TENM3: variants seen among roughly 807,000 people sequenced by gnomAD.
TENM3 encodes teneurin transmembrane protein 3.
In TENM3, 63 loss-of-function variants were observed where a neutral mutation model predicts 255.1. The ratio of observed to expected loss-of-function variants is 0.25; its 90% CI spans 0.20 to 0.30. The LOEUF is 0.30. Among genes scored for constraint, TENM3 ranks in the 10% least tolerant of loss-of-function variants. The probability of loss-of-function intolerance (pLI) is 1.00; values close to 1 mark genes in which losing one functional copy is unlikely to be tolerated. For synonymous variants in TENM3, 1,306 were observed against 1,322.3 expected (o/e 0.99, Z 0.27); for missense variants, 2,929 against 3,461.1 (o/e 0.85, Z 3.86).
rs562866467 is a variant in TENM3, at chr4:182,680,336, G to A, written c.1626G>A (p.Pro542=). ...ATTGTTTTCCAGGATTTCTGGGTCC[G>A]GATTGTTCAAGAGGTATGCAAGTTA... ...TCHCFPGFLG[P]DCSRAACPVL... is the part of the protein sequence containing the mutation. Residue 542 remains proline (P), a synonymous_variant, in exon 9 of 28, where the codon CCG becomes CCA. Coordinates refer to ENST00000511685, the MANE Select transcript of TENM3 (RefSeq NM_001080477.4). The A allele has an allele frequency of 2.7e-5, 43 of 1,609,444 alleles. 1 individual carries two copies. The highest frequency in any genetic ancestry group is 1.2e-4 in the African/African-American group (9 of 74,842).
chr4:181,931,698 C>T, the TENM3 span, among the ~76,000 whole-genome samples: 4 of 152,178 alleles, frequency 2.6e-5, no homozygotes, highest in East Asian at 3.9e-4. Flanking sequence ...AAAAAGAGTC[C>T]GTATAGCCAA....
chr4:182,239,559 A>G (rs964838725), upstream of TENM3, among the ~76,000 whole-genome samples: 4 of 152,232 alleles, frequency 2.6e-5, no homozygotes, highest in African/African-American at 9.6e-5. Context: ...TGACATTGTC[A>G]TACAAATAAG....
At chr4:181,805,075 G>A in the TENM3 span, among the ~76,000 whole-genome samples, 1 of 152,178 alleles carries the variant, frequency 6.6e-6, no homozygotes, top group Non-Finnish European at 1.5e-5. Flanking sequence ...ACCTGCAGCA[G>A]CCTCCTAAGA....
At chr4:182,108,640 C>T in the TENM3 span, among the ~76,000 whole-genome samples, 3 of 152,108 alleles carry the variant, frequency 2.0e-5, no homozygotes, top group South Asian at 2.1e-4. Context: ...TGGGTGGAAT[C>T]GTGGAAGCAA....
chr4:182,131,547 C>A, the TENM3 span, among the ~76,000 whole-genome samples: 2 of 152,102 alleles, frequency 1.3e-5, no homozygotes, highest in Admixed American at 6.6e-5. Flanking sequence ...ACTGGGTTTA[C>A]CTTCTGCTCT....
chr4:181,726,657 C>CAGCA, the TENM3 span, among the ~76,000 whole-genome samples: 1 of 152,164 alleles, frequency 6.6e-6, no homozygotes, highest in Non-Finnish European at 1.5e-5. Flanking sequence ...TTCTCCCCAC[C>CAGCA]AGCAAGCAAG....
At chr4:182,047,560 CAAAAAAA>C in the TENM3 span, among the ~76,000 whole-genome samples, 17 of 72,318 alleles carry the variant, frequency 2.4e-4, no homozygotes, top group Admixed American at 1.6e-3. Flanking sequence ...GACTCCATCT[CAAAAAAA>C]AAAAAAAAAA....
At chr4:181,695,563 C>T in the TENM3 span, among the ~76,000 whole-genome samples, 1 of 152,174 alleles carries the variant, frequency 6.6e-6, no homozygotes, top group Non-Finnish European at 1.5e-5. Context: ...TTCTCTCCCA[C>T]TCCCTACTAT....
chr4:182,412,604 G>A (rs183902767), intron 3 of TENM3, among the ~76,000 whole-genome samples: 22 of 152,112 alleles, frequency 1.4e-4, no homozygotes, highest in Admixed American at 1.3e-3. Flanking sequence ...AGTGGCTCAC[G>A]CCTGTAATCC....
chr4:182,673,406 A>G (rs1453246013), intron 7 of TENM3, among the ~76,000 whole-genome samples, 187 bp downstream of exon 7: 3 of 152,174 alleles, frequency 2.0e-5, no homozygotes, highest in Non-Finnish European at 4.4e-5. Flanking sequence ...GGGAAGAACA[A>G]TATTTTCTTC....
chr4:181,519,859 T>C, the TENM3 span, among the ~76,000 whole-genome samples: 1 of 152,156 alleles, frequency 6.6e-6, no homozygotes, highest in Non-Finnish European at 1.5e-5. Context: ...GCAGAGGCTG[T>C]TGGAAAGCAA....
At chr4:182,304,451 A>T (rs943767874) in intron 1 of TENM3, among the ~76,000 whole-genome samples, 14 of 152,072 alleles carry the variant, frequency 9.2e-5, no homozygotes, top group Admixed American at 2.6e-4. Context: ...TGACCTCATG[A>T]TCCACCCGCC....
rs1188325566 is a variant in TENM3, at chr4:182,625,762, T to G, written c.750-2889T>G. On this transcript the variant is annotated intron_variant, in intron 4 of 27. Transcript: ENST00000511685. ...TCCAAGCTTCACAAGAGGCATGCTT[T>G]GCACCCTTTAGGCTGCCTTTTAAAT... Among the ~76,000 whole-genome samples, 3 of 152,304 alleles carry G rather than the reference T, an allele frequency of 2.0e-5. No homozygotes were observed. The East Asian group carries it at 5.8e-4, about 29-fold the overall frequency.
chr4:181,590,559 T>C, the TENM3 span, among the ~76,000 whole-genome samples: 7 of 152,162 alleles, frequency 4.6e-5, no homozygotes, highest in Non-Finnish European at 8.8e-5. Flanking sequence ...TTCCCACTAG[T>C]AAAATGCAAT....
At chr4:182,175,314 A>ATATAT (rs1554026205) in intron 1 of TENM3, among the ~76,000 whole-genome samples, 1,459 of 117,450 alleles carry the variant, frequency 0.012, 7 homozygotes, top group Non-Finnish European at 0.016. Flanking sequence ...AAAAAAAAAA[A>ATATAT]ATATATATAT....
At chr4:182,110,967 C>A in the TENM3 span, among the ~76,000 whole-genome samples, 1 of 152,092 alleles carries the variant, frequency 6.6e-6, no homozygotes, top group Non-Finnish European at 1.5e-5. Flanking sequence ...ACAGTTTAAC[C>A]AACTAGGAAG....
intron 3 of TENM3, among the ~76,000 whole-genome samples, chr4:182,444,501 A>G (rs1772749313): frequency 6.6e-6 from 1 of 152,204 alleles, no homozygotes; most frequent in Admixed American, 6.5e-5. Context: ...AGGGACAGAC[A>G]TATATTGACC....
At chr4:181,511,852 A>T in the TENM3 span, among the ~76,000 whole-genome samples, 1 of 152,200 alleles carries the variant, frequency 6.6e-6, no homozygotes, top group African/African-American at 2.4e-5. Flanking sequence ...TTTCCAAAAG[A>T]AAGGCTTAAA....
chr4:182,020,818 T>G, the TENM3 span, among the ~76,000 whole-genome samples: 1 of 152,204 alleles, frequency 6.6e-6, no homozygotes, highest in Admixed American at 6.5e-5. Context: ...GCACTCACTC[T>G]CAAGGCTTAG....
Sources: allele counts gnomAD v4.1 joint callset (sites outside exome capture counted in the v4.1 genomes callset), GRCh38; gene constraint gnomAD v4.1.1; transcripts MANE v1.5; gene names NCBI Gene and HGNC (gene_info 2026-07-23, HGNC 2026-07-21).